Variants in ZMIZ1 observed in about 807,000 individuals in gnomAD.
The protein encoded by ZMIZ1 is zinc finger MIZ domain-containing protein 1.
In ZMIZ1, 17 loss-of-function variants were observed where a neutral mutation model predicts 113.9. The ratio of observed to expected loss-of-function variants is 0.15; its 90% CI spans 0.10 to 0.22. ZMIZ1 has a LOEUF of 0.22. ZMIZ1 is among the 10% of genes least tolerant of loss of function. ZMIZ1 has a pLI of 1.00. For synonymous variants in ZMIZ1, 607 were observed against 603.1 expected, an observed-to-expected ratio of 1.01 and a Z score of -0.09; for missense variants, 1,059 against 1,477.8, an observed-to-expected ratio of 0.72 and a Z score of 4.65.
intron 20 of ZMIZ1, 127 bp from the exon 21 acceptor site, chr10:79,305,406 C>T: frequency 8.0e-7 from 1 of 1,245,960 alleles, no homozygotes; most frequent in Non-Finnish European, 1.2e-6. Flanking sequence ...TCAGAGTCCC[C>T]CTCTCTTGTG....
intron 8 of ZMIZ1, among the ~76,000 whole-genome samples, chr10:79,277,564 T>C (rs922715709): frequency 4.6e-5 from 7 of 152,266 alleles, no homozygotes; most frequent in Admixed American, 4.6e-4. Flanking sequence ...TCTAGGCTTC[T>C]GGCAGAACGT....
intron 2 of ZMIZ1, among the ~76,000 whole-genome samples, chr10:79,120,100 C>T (rs1844223668): frequency 6.6e-6 from 1 of 152,094 alleles, no homozygotes; most frequent in African/African-American, 2.4e-5. Context: ...TGTGGGGAGA[C>T]AGAAGCATAG....
chr10:79,193,320 A>T (rs990424477), intron 4 of ZMIZ1, among the ~76,000 whole-genome samples: 1 of 152,222 alleles, frequency 6.6e-6, no homozygotes, highest in African/African-American at 2.4e-5. Context: ...CAAAAACTTC[A>T]CTATGAGAAT....
At chr10:79,210,470 G>C (rs1044841493) in intron 6 of ZMIZ1, among the ~76,000 whole-genome samples, 8 of 152,270 alleles carry the variant, frequency 5.3e-5, no homozygotes, top group Admixed American at 4.6e-4. Context: ...GGAGCAAACA[G>C]GGACATATGC....
chr10:79,186,646 C>T (rs1252495507), intron 4 of ZMIZ1, among the ~76,000 whole-genome samples: 1 of 152,172 alleles, frequency 6.6e-6, no homozygotes, highest in Non-Finnish European at 1.5e-5. Flanking sequence ...CTTATAGAGA[C>T]GTACAGCAAT....
At chr10:79,134,518 G>A (rs1844911246) in intron 2 of ZMIZ1, among the ~76,000 whole-genome samples, 1 of 152,208 alleles carries the variant, frequency 6.6e-6, no homozygotes, top group Admixed American at 6.5e-5. Flanking sequence ...AACCCTCTGT[G>A]TACCCTTCTG....
rs140071166 is a variant in ZMIZ1 at position 79,076,729 on chromosome 10, C to T, written c.-337+7459C>T. The stretch of plus-strand genomic sequence containing the variant: ...GTGCACGCTTGTAGTCCCAGCTACT[C>T]GAGAGGTTGAGGCATGAGAAACACT... On this transcript the variant is annotated intron_variant, in intron 1 of 24. Transcript: ENST00000334512. Among the ~76,000 whole-genome samples, 1,342 of 152,082 alleles carry T rather than the reference C, an allele frequency of 8.8e-3. 35 individuals carry two copies. Among genetic ancestry groups the T allele is most frequent in the Middle Eastern group, 0.041 (12 of 292 alleles).
At chr10:79,080,382 C>G (rs974126601) in intron 1 of ZMIZ1, among the ~76,000 whole-genome samples, 1 of 147,260 alleles carries the variant, frequency 6.8e-6, no homozygotes, top group African/African-American at 2.5e-5. Flanking sequence ...TCTCGGCTCA[C>G]TGCAGCCTCT....
At chr10:79,266,519 G>A (rs747820963) in intron 7 of ZMIZ1, among the ~76,000 whole-genome samples, 26 of 152,194 alleles carry the variant, frequency 1.7e-4, no homozygotes, top group Admixed American at 2.6e-4. Context: ...CCCACGGCCC[G>A]GTTAGATCCT....
chr10:79,118,585 G>A lies in ZMIZ1; in HGVS notation c.-336-330G>A, dbSNP rs776428317. Among the ~76,000 whole-genome samples, 3 of 152,224 alleles carry A rather than the reference G, an allele frequency of 2.0e-5. No homozygotes were observed. The highest frequency in any genetic ancestry group is 2.9e-5 in the Non-Finnish European group (2 of 68,036). ...AAGAGCTCTGAGCGGGGCACCCAGCGTGTGCCAAGGCCGGAGCCAGGGGCT... is the reference window on the plus strand; with the variant it reads ...AAGAGCTCTGAGCGGGGCACCCAGCATGTGCCAAGGCCGGAGCCAGGGGCT... On this transcript the variant is annotated intron_variant, in intron 1 of 24. Transcript: ENST00000334512. The surrounding 1 kb of genome is among the most constrained non-coding windows in gnomAD (Gnocchi z 4.1).
chr10:79,313,588 G>C lies in ZMIZ1; in HGVS notation c.*839G>C, dbSNP rs1298599757. 2.9e-5 allele frequency: 6 copies of C among 210,348 alleles called. No homozygotes were observed. The highest frequency in any genetic ancestry group is 9.4e-5 in the African/African-American group (4 of 42,648). The allele number at this position is 210,348 out of a possible 1,614,324, so 13.0% of individuals were successfully genotyped here. A position where few individuals can be genotyped will look rare whatever the true frequency, so the allele number is the denominator to read the frequency against. ...ACCCAACCAAAGTGATTGTGCCCTT[G>C]GTTGGGGGGCGCGGGCATATAACCT... On this transcript the variant is annotated 3_prime_UTR_variant, in exon 25 of 25. Coordinates refer to ENST00000334512, the MANE Select transcript of ZMIZ1 (RefSeq NM_020338.4).
intron 7 of ZMIZ1, among the ~76,000 whole-genome samples, chr10:79,271,183 C>T (rs1270159401): frequency 6.6e-6 from 1 of 152,224 alleles, no homozygotes; most frequent in African/African-American, 2.4e-5. Context: ...CCATGAACTT[C>T]TGGAGCTTCG....
At chr10:79,147,314 C>T (rs999686357) in intron 3 of ZMIZ1, among the ~76,000 whole-genome samples, 4 of 152,212 alleles carry the variant, frequency 2.6e-5, no homozygotes, top group Non-Finnish European at 4.4e-5. Context: ...AGAACTCTCT[C>T]AGCCCTAAAT....
At chr10:79,121,146 C>T (rs556821434) in intron 2 of ZMIZ1, among the ~76,000 whole-genome samples, 2 of 152,288 alleles carry the variant, frequency 1.3e-5, no homozygotes, top group South Asian at 2.1e-4. Flanking sequence ...TTCGGATCCA[C>T]GTCATCAGAT....
chr10:79,250,059 G>A (rs574610473), intron 7 of ZMIZ1, among the ~76,000 whole-genome samples: 3 of 152,222 alleles, frequency 2.0e-5, no homozygotes, highest in East Asian at 1.9e-4. Context: ...GCTAAAAGGC[G>A]CTTAGGTTGG....
In ZMIZ1 at chr10:79,088,903, C is replaced by A. The variant is rs79323222; in HGVS notation, c.-337+19633C>A. 9.1e-4 allele frequency among the ~76,000 whole-genome samples: 139 copies of A among 152,342 alleles called. 1 individual carries two copies. In the East Asian group the frequency reaches 0.024, roughly 27 times the overall value. On this transcript the variant is annotated intron_variant, in intron 1 of 24. Coordinates refer to ENST00000334512, the MANE Select transcript of ZMIZ1 (RefSeq NM_020338.4). ...GGGTCTGGAGACTGTCGCAGCACCCCTCTGAAGTGGGTGGTATTATCCCAT... is the reference window on the plus strand; with the variant it reads ...GGGTCTGGAGACTGTCGCAGCACCCATCTGAAGTGGGTGGTATTATCCCAT...
chr10:79,204,423 C>T (rs773183189), intron 5 of ZMIZ1, among the ~76,000 whole-genome samples: 8 of 152,222 alleles, frequency 5.3e-5, no homozygotes, highest in Non-Finnish European at 1.0e-4. Context: ...ATGGAGAGCC[C>T]TGCAAATCAG....
At chr10:79,264,026 A>C (rs189186450) in intron 7 of ZMIZ1, among the ~76,000 whole-genome samples, 19 of 152,250 alleles carry the variant, frequency 1.2e-4, no homozygotes, top group African/African-American at 4.3e-4. Context: ...GAGAGCCAGC[A>C]ACGGGCAGTG....
At chr10:79,247,548 C>T (rs1172236544) in intron 7 of ZMIZ1, among the ~76,000 whole-genome samples, 1 of 152,234 alleles carries the variant, frequency 6.6e-6, no homozygotes, top group East Asian at 1.9e-4. Flanking sequence ...CAGCCATGGC[C>T]CTGACTTCTC....
Sources: gnomAD v4.1 joint callset for allele counts (sites outside exome capture counted in the v4.1 genomes callset) on GRCh38, gnomAD v4.1.1 for gene constraint, Gnocchi (gnomAD v3.1) non-coding constraint, MANE v1.5 for transcripts, NCBI Gene and HGNC (gene_info 2026-07-23, HGNC 2026-07-21) for gene names.